Variants in MYO10 observed in about 807,000 individuals in gnomAD.
MYO10 encodes the protein unconventional myosin-X.
MYO10 carries 133 observed loss-of-function variants against 257.3 expected under a neutral mutation model. The ratio of observed to expected loss-of-function variants is 0.52; its 90% CI spans 0.45 to 0.60. The LOEUF is 0.60. Among genes scored for constraint, MYO10 ranks in the 20% least tolerant of loss-of-function variants. The pLI, the probability that MYO10 is intolerant of heterozygous loss-of-function variation, is 0.00. For missense variants in MYO10, 2,399 were observed against 2,635.7 expected (o/e 0.91, Z 1.97); for synonymous variants, 1,104 against 1,028.6 (o/e 1.07, Z -1.40).
intron 19 of MYO10, among the ~76,000 whole-genome samples, chr5:16,727,577 T>C (rs1739419679): frequency 6.6e-6 from 1 of 152,188 alleles, no homozygotes; most frequent in South Asian, 2.1e-4. Flanking sequence ...ACACGAAGAA[T>C]TTCCATTAAC....
intron 2 of MYO10, among the ~76,000 whole-genome samples, chr5:16,826,001 A>G (rs1247608596): frequency 6.6e-6 from 1 of 152,052 alleles, no homozygotes; most frequent in Non-Finnish European, 1.5e-5. Context: ...TACAATAATT[A>G]GCCGGGCATG....
At chr5:16,761,974 G>A (rs534617755) in intron 16 of MYO10, 71 bp downstream of exon 16, 12 of 1,418,718 alleles carry the variant, frequency 8.5e-6, no homozygotes, top group Non-Finnish European at 3.7e-6. Context: ...TTCATGATTG[G>A]CTTCTGAAAC....
intron 19 of MYO10, among the ~76,000 whole-genome samples, chr5:16,713,147 G>A (rs988667282): frequency 6.6e-6 from 1 of 152,190 alleles, no homozygotes; most frequent in Non-Finnish European, 1.5e-5. Flanking sequence ...ATCACTTGAT[G>A]CGCAAAGACT....
intron 2 of MYO10, among the ~76,000 whole-genome samples, chr5:16,853,784 C>A (rs77415427): frequency 0.017 from 2,573 of 152,280 alleles, 30 homozygotes; most frequent in Middle Eastern, 0.041. Context: ...GAGAGAAGAG[C>A]GGGTCCACAC....
chr5:16,759,958 CCTAT>C (rs1271549407), intron 17 of MYO10, among the ~76,000 whole-genome samples: 3 of 151,998 alleles, frequency 2.0e-5, no homozygotes, highest in South Asian at 4.1e-4. Flanking sequence ...CCAATTCATT[CCTAT>C]CTAAGTGACA....
intron 2 of MYO10, among the ~76,000 whole-genome samples, chr5:16,820,869 C>T (rs1016392141): frequency 1.4e-4 from 21 of 149,210 alleles, no homozygotes; most frequent in African/African-American, 5.1e-4. Context: ...ATATATTTCA[C>T]ACATATAAAA....
At chr5:16,738,960 A>G (rs1739913851) in intron 19 of MYO10, among the ~76,000 whole-genome samples, 1 of 151,554 alleles carries the variant, frequency 6.6e-6, no homozygotes. Context: ...TACTCCCAGC[A>G]GCAGAATAGC....
At position 16,684,871 on chromosome 5, in the gene MYO10, AC is replaced by A. The variant is rs549880399; in HGVS notation, c.3990+866del. 6.1e-3 allele frequency among the ~76,000 whole-genome samples: 934 copies of A among 152,108 alleles called. 10 individuals carry two copies. Among genetic ancestry groups the A allele is most frequent in the African/African-American group, 0.022 (902 of 41,502 alleles). On this transcript the variant is annotated intron_variant, in intron 29 of 40. Coordinates refer to ENST00000513610, the MANE Select transcript of MYO10 (RefSeq NM_012334.3). ...AGACCAGACTGGGCAACATAGTGAA[AC>A]CCTGTTTCTACTAAAATACAAAAAA...
intron 19 of MYO10, among the ~76,000 whole-genome samples, chr5:16,719,333 AC>A (rs2126595422): frequency 6.6e-6 from 1 of 151,832 alleles, no homozygotes; most frequent in East Asian, 1.9e-4. Flanking sequence ...CGGACACAAT[AC>A]CCCCTCCTTG....
intron 19 of MYO10, among the ~76,000 whole-genome samples, chr5:16,739,888 G>T (rs1321536323): frequency 6.6e-6 from 1 of 152,136 alleles, no homozygotes; most frequent in African/African-American, 2.4e-5. Flanking sequence ...TCTTTATATT[G>T]AGGAGGGGTG....
intron 2 of MYO10, among the ~76,000 whole-genome samples, chr5:16,834,919 T>C (rs1743266440): frequency 6.6e-6 from 1 of 152,180 alleles, no homozygotes; most frequent in Admixed American, 6.5e-5. Context: ...CTCACACCTG[T>C]AATCCCAACA....
At chr5:16,685,873 C>G in intron 28 of MYO10, 42 bp from the exon 29 acceptor site, 2 of 1,491,826 alleles carry the variant, frequency 1.3e-6, no homozygotes, top group Non-Finnish European at 1.8e-6. Context: ...AGGCCAACCT[C>G]GTACTGGCAA....
chr5:16,868,122 T>C (rs1227689551), intron 2 of MYO10, among the ~76,000 whole-genome samples: 1 of 152,228 alleles, frequency 6.6e-6, no homozygotes, highest in Non-Finnish European at 1.5e-5. Flanking sequence ...GATAATAAAA[T>C]AGTTCTAATC....
At chr5:16,787,452 C>T (rs1741619314) in intron 4 of MYO10, among the ~76,000 whole-genome samples, 1 of 152,092 alleles carries the variant, frequency 6.6e-6, no homozygotes, top group African/African-American at 2.4e-5. Flanking sequence ...CCCGTCTCCT[C>T]CTCCTCCAGC....
intron 2 of MYO10, among the ~76,000 whole-genome samples, chr5:16,857,310 A>T (rs1322145657): frequency 2.6e-5 from 4 of 152,210 alleles, no homozygotes; most frequent in Non-Finnish European, 5.9e-5. Flanking sequence ...CTGCTCAATA[A>T]GGATTCCTTT....
intron 1 of MYO10, chr5:16,916,255 C>T (rs978460576): frequency 2.2e-5 from 9 of 414,970 alleles, no homozygotes; most frequent in African/African-American, 1.6e-4. Context: ...GATAGTGGTG[C>T]AGACTCGTGT....
chr5:16,866,397 G>C lies in MYO10; in HGVS notation c.120+11212C>G, dbSNP rs138990072. 3.9e-5 allele frequency among the ~76,000 whole-genome samples: 6 copies of C among 152,280 alleles called. No homozygotes were observed. In the East Asian group the frequency reaches 1.2e-3, roughly 29 times the overall value. ...TCCTATCTTTGAGCCATGAACAACAGATCAATGATAAGCTAAAAGATACCA... is the reference window on the plus strand; with the variant it reads ...TCCTATCTTTGAGCCATGAACAACACATCAATGATAAGCTAAAAGATACCA... On this transcript the variant is annotated intron_variant, in intron 2 of 40. Transcript: ENST00000513610.
chr5:16,909,267 G>C (rs887670501), intron 1 of MYO10, among the ~76,000 whole-genome samples: 8 of 152,110 alleles, frequency 5.3e-5, no homozygotes, highest in Admixed American at 6.5e-5. Context: ...CCAGAACTTT[G>C]GGAGGCCGAG....
chr5:16,810,258 C>T (rs986595850), intron 3 of MYO10, among the ~76,000 whole-genome samples: 4 of 152,136 alleles, frequency 2.6e-5, no homozygotes, highest in Admixed American at 2.0e-4. Context: ...GACGGTGCCA[C>T]GTTTTCACAG....
Sources: allele counts gnomAD v4.1 joint callset (sites outside exome capture counted in the v4.1 genomes callset), GRCh38; gene constraint gnomAD v4.1.1; transcripts MANE v1.5; gene names NCBI Gene and HGNC (gene_info 2026-07-23, HGNC 2026-07-21).